The following SPICE1 variants were observed in gnomAD, a reference collection of about 807,000 sequenced individuals.
The protein encoded by SPICE1 is spindle and centriole associated protein 1, also known as spindle and centriole-associated protein 1.
SPICE1 carries 75 observed loss-of-function variants against 102.7 expected under a neutral mutation model. The observed-to-expected ratio is 0.73, with a 90% confidence interval of 0.61 to 0.88. The LOEUF is 0.88. Ranked by LOEUF, SPICE1 falls within the 40% of genes least tolerant of loss-of-function variation. SPICE1 has a pLI of 0.00. For synonymous variants in SPICE1, 308 were observed against 350.3 expected, an observed-to-expected ratio of 0.88 and a Z score of 1.35; for missense variants, 979 against 1,020.1, an observed-to-expected ratio of 0.96 and a Z score of 0.55.
At chr3:113,509,479 C>T (rs1276134936) in intron 1 of SPICE1, among the ~76,000 whole-genome samples, 2 of 152,088 alleles carry the variant, frequency 1.3e-5, no homozygotes, top group Non-Finnish European at 2.9e-5. Flanking sequence ...ATAGTATATT[C>T]TCAATGATGT....
chr3:113,448,893 A>G (rs1326612710), intron 15 of SPICE1: 1 of 152,160 alleles, frequency 6.6e-6, no homozygotes, highest in Non-Finnish European at 1.5e-5. Context: ...TTTTTTTTAA[A>G]CAAATATAAG....
intron 7 of SPICE1, among the ~76,000 whole-genome samples, chr3:113,487,344 G>A (rs1430385322): frequency 6.6e-6 from 1 of 152,026 alleles, no homozygotes; most frequent in Non-Finnish European, 1.5e-5. Context: ...TGGACTTAGA[G>A]GTATCACTGT....
intron 17 of SPICE1, among the ~76,000 whole-genome samples, chr3:113,446,058 T>C (rs1013073739): frequency 6.6e-6 from 1 of 152,204 alleles, no homozygotes. Flanking sequence ...TACTGTGAAA[T>C]GCTTAGCTTC....
At chr3:113,448,786 A>T (rs199944525) in intron 15 of SPICE1, 2 of 152,192 alleles carry the variant, frequency 1.3e-5, no homozygotes, top group East Asian at 3.8e-4. Flanking sequence ...AACCCTATTT[A>T]ATTTTACAAA....
chr3:113,454,593 G>A (rs1935738399), intron 13 of SPICE1, among the ~76,000 whole-genome samples: 1 of 152,110 alleles, frequency 6.6e-6, no homozygotes, highest in Admixed American at 6.5e-5. Context: ...GTGCACGGCT[G>A]TAATCCCAGC....
intron 7 of SPICE1, among the ~76,000 whole-genome samples, chr3:113,474,000 TAAAG>T (rs1936273063): frequency 6.6e-6 from 1 of 152,020 alleles, no homozygotes; most frequent in Non-Finnish European, 1.5e-5. Context: ...GAAAATTGGA[TAAAG>T]AGTCAAGACC....
intron 6 of SPICE1, among the ~76,000 whole-genome samples, chr3:113,490,638 T>A (rs1210717890): frequency 2.0e-5 from 3 of 150,248 alleles, no homozygotes; most frequent in Non-Finnish European, 4.4e-5. Flanking sequence ...CAAGACCCCA[T>A]CTCAAAAAAG....
At chr3:113,510,897 C>T (rs1179170075) in intron 1 of SPICE1, among the ~76,000 whole-genome samples, 1 of 152,072 alleles carries the variant, frequency 6.6e-6, no homozygotes, top group Non-Finnish European at 1.5e-5. Flanking sequence ...CCAGAGTCTA[C>T]AAGGAACTTA....
chr3:113,455,137 T>C (rs1460233692), intron 13 of SPICE1, among the ~76,000 whole-genome samples: 1 of 152,202 alleles, frequency 6.6e-6, no homozygotes, highest in Non-Finnish European at 1.5e-5. Context: ...AAATATCAGT[T>C]TCTTTTAGAG....
At chr3:113,491,639 A>AG (rs1936770205) in intron 6 of SPICE1, among the ~76,000 whole-genome samples, 1 of 151,006 alleles carries the variant, frequency 6.6e-6, no homozygotes, top group African/African-American at 2.4e-5. Flanking sequence ...AAAAAAAAAA[A>AG]AAAAAAAAAA....
intron 1 of SPICE1, 110 bp downstream of exon 1, chr3:113,514,787 C>T: frequency 7.8e-7 from 1 of 1,285,408 alleles, no homozygotes; most frequent in Non-Finnish European, 1.0e-6. Context: ...AATCGAGCAC[C>T]CCCAATTACC....
At chr3:113,489,326 T>C (rs762904845) in intron 6 of SPICE1, among the ~76,000 whole-genome samples, 5 of 152,134 alleles carry the variant, frequency 3.3e-5, no homozygotes, top group Non-Finnish European at 7.3e-5. Context: ...GACCCTATAC[T>C]TACCTTAAGC....
At chr3:113,486,156 C>T (rs1380139366) in intron 7 of SPICE1, among the ~76,000 whole-genome samples, 5 of 142,046 alleles carry the variant, frequency 3.5e-5, no homozygotes, top group Non-Finnish European at 7.6e-5. Flanking sequence ...CCTAAATGAC[C>T]ATATATATAT....
At chr3:113,471,577 T>C (rs1936199547) in intron 7 of SPICE1, among the ~76,000 whole-genome samples, 1 of 152,238 alleles carries the variant, frequency 6.6e-6, no homozygotes, top group Non-Finnish European at 1.5e-5. Flanking sequence ...CAAGTTCTGT[T>C]GTTTTAAGCC....
At chr3:113,460,536 T>G in intron 12 of SPICE1, 81 bp downstream of exon 12, 1 of 1,507,738 alleles carries the variant, frequency 6.6e-7, no homozygotes, top group African/African-American at 1.4e-5. Flanking sequence ...TCTATATAAG[T>G]TTAGAGATTT....
Position 113,474,999 on chromosome 3 carries a change from G to C in SPICE1, c.612-5761C>G, listed in dbSNP as rs539571685. On this transcript the variant is annotated intron_variant, in intron 7 of 17. Transcript: ENST00000295872. ...AAAAAAGTAATGAATCCAGGAGCTG[G>C]CTTTTTGAAAGGATCAACAAAATTG... is the stretch of plus-strand genomic sequence containing the variant. Among the ~76,000 whole-genome samples, 117 of 152,222 alleles carry C rather than the reference G, an allele frequency of 7.7e-4. No homozygotes were observed. In the South Asian group the frequency reaches 0.021, roughly 28 times the overall value.
intron 7 of SPICE1, among the ~76,000 whole-genome samples, chr3:113,472,841 C>T (rs1249553400): frequency 6.6e-6 from 1 of 152,154 alleles, no homozygotes; most frequent in African/African-American, 2.4e-5. Flanking sequence ...GGGGAAGAAA[C>T]AGAGCAGAAA....
Position 113,453,628 on chromosome 3 carries a change from C to T in SPICE1, c.1980G>A (p.Glu660=). The change falls in exon 14 of 18, where the codon GAG becomes GAA. Residue 660 remains glutamate (E), a synonymous_variant. Coordinates refer to ENST00000295872, the MANE Select transcript of SPICE1 (RefSeq NM_144718.4). ...TTATGTCCTTTCTTTGTATTAATGA[C>T]TCATTTGTTCTCAGCTGCTGCCCAT... is the stretch of plus-strand genomic sequence containing the variant. ...LGDGQQLRTN[E]SLIQRKDIMT... is the part of the protein sequence containing the mutation. 1 of 1,614,090 alleles carries T rather than the reference C, an allele frequency of 6.2e-7. No homozygotes were observed. Among genetic ancestry groups the T allele is most frequent in the East Asian group, 2.2e-5 (1 of 44,878 alleles).
intron 6 of SPICE1, among the ~76,000 whole-genome samples, chr3:113,492,124 T>G (rs1415944414): frequency 6.6e-6 from 1 of 152,256 alleles, no homozygotes; most frequent in Non-Finnish European, 1.5e-5. Context: ...TTTCCAGCTA[T>G]CTGAAAGCTA....
Sources: gnomAD v4.1 joint callset for allele counts (sites outside exome capture counted in the v4.1 genomes callset) on GRCh38, gnomAD v4.1.1 for gene constraint, MANE v1.5 for transcripts, NCBI Gene and HGNC (gene_info 2026-07-23, HGNC 2026-07-21) for gene names.